BRDT: variants seen among roughly 807,000 people sequenced by gnomAD.
BRDT encodes bromodomain testis-specific protein.
BRDT carries 77 observed loss-of-function variants against 113.9 expected under a neutral mutation model. That is an observed-to-expected ratio of 0.68 (90% confidence interval 0.56 to 0.82). BRDT has a LOEUF of 0.82. Among genes scored for constraint, BRDT ranks in the 40% least tolerant of loss-of-function variants. The pLI is 0.00. For synonymous variants in BRDT, 358 were observed against 366.5 expected (o/e 0.98, Z 0.26); for missense variants, 1,027 against 1,105.4 (o/e 0.93, Z 1.01).
At chr1:91,997,744 T>C (rs1241126277) in intron 15 of BRDT, among the ~76,000 whole-genome samples, 1 of 152,218 alleles carries the variant, frequency 6.6e-6, no homozygotes, top group East Asian at 1.9e-4. Flanking sequence ...GATGCCAGAG[T>C]AGCTGTTCTT....
rs1681232789 is a variant in BRDT, at chr1:91,952,711, C to CAGGCGG, written c.-38+3033_-38+3038dup. On this transcript the variant is annotated intron_variant, in intron 1 of 18. Coordinates refer to ENST00000399546, the MANE Select transcript of BRDT (RefSeq NM_207189.4). ...ATCGTAGCACTTGGGGAGCTTGAGG[C>CAGGCGG]AGGCGGAGGAGTGCTTGAGCCCAGG... 4.4e-5 allele frequency among the ~76,000 whole-genome samples: 6 copies of CAGGCGG among 137,514 alleles called. No individual in the cohort carries two copies. The South Asian group carries it at 1.4e-3, about 33-fold the overall frequency. 90.2% of individuals were successfully genotyped at this position (137,514 alleles called of 152,430 possible).
chr1:91,978,191 T>C lies in BRDT; in HGVS notation c.993T>C (p.Tyr331=). The C allele has an allele frequency of 1.2e-6, 2 of 1,613,472 alleles. No individual in the cohort carries two copies. The highest frequency in any genetic ancestry group is 1.7e-6 in the Non-Finnish European group (2 of 1,179,488). Residue 331 remains tyrosine, a synonymous_variant, in exon 7 of 19, where the codon TAT becomes TAC. Transcript: ENST00000399546. ...TIKEKMDNQE[Y]KDAYKFAADV... is the part of the protein sequence containing the mutation. ...AGGAGAAAATGGATAACCAAGAATATAAGGATGCATACAAATTTGCGGCAG... is the reference window on the plus strand; with the variant it reads ...AGGAGAAAATGGATAACCAAGAATACAAGGATGCATACAAATTTGCGGCAG...
intron 1 of BRDT, among the ~76,000 whole-genome samples, chr1:91,961,644 C>G (rs967334460): frequency 3.4e-5 from 5 of 147,472 alleles, no homozygotes; most frequent in African/African-American, 1.2e-4. Flanking sequence ...GAGAGAGAGA[C>G]ACCATAAATT....
In BRDT at chr1:91,982,572, A is replaced by G. The variant is rs528177822; in HGVS notation, c.2002+817A>G. The stretch of plus-strand genomic sequence containing the variant: ...TTGTGAAATTCAATTCTCTTTTTAA[A>G]GAAACATCTCACACAGAATATTGTG... On this transcript the variant is annotated intron_variant, in intron 12 of 18. Coordinates refer to ENST00000399546, the MANE Select transcript of BRDT (RefSeq NM_207189.4). Among the ~76,000 whole-genome samples, 5 of 152,326 alleles carry G rather than the reference A, an allele frequency of 3.3e-5. No individual in the cohort carries two copies. In the South Asian group the frequency reaches 8.3e-4, roughly 25 times the overall value.
intron 8 of BRDT, among the ~76,000 whole-genome samples, chr1:91,979,981 G>A (rs372827486): frequency 1.3e-5 from 2 of 152,072 alleles, no homozygotes; most frequent in African/African-American, 2.4e-5. Flanking sequence ...CTAATCATGA[G>A]TGGTTGATTC....
At chr1:91,971,742 A>C (rs1236639680) in intron 4 of BRDT, among the ~76,000 whole-genome samples, 2 of 152,170 alleles carry the variant, frequency 1.3e-5, no homozygotes, top group Admixed American at 6.5e-5. Context: ...AGAAGTGAAG[A>C]TTTGAAAGAA....
intron 12 of BRDT, among the ~76,000 whole-genome samples, chr1:91,982,602 C>A (rs1684822078): frequency 6.6e-6 from 1 of 152,158 alleles, no homozygotes; most frequent in Non-Finnish European, 1.5e-5. Flanking sequence ...ATTGTGACAT[C>A]AGGAATTCTT....
chr1:91,992,070 T>C (rs1458736702), intron 13 of BRDT, among the ~76,000 whole-genome samples, 194 bp from the exon 14 acceptor site: 1 of 147,574 alleles, frequency 6.8e-6, no homozygotes, highest in Non-Finnish European at 1.5e-5. Flanking sequence ...CAAGTTGTCA[T>C]CCTCATATAC....
At chr1:91,991,400 T>C (rs1457388536) in intron 13 of BRDT, among the ~76,000 whole-genome samples, 155 bp downstream of exon 13, 1 of 152,218 alleles carries the variant, frequency 6.6e-6, no homozygotes, top group Non-Finnish European at 1.5e-5. Context: ...GATTTCTTCC[T>C]GAAGAAAACC....
At chr1:92,011,745 A>T (rs1447711056) in intron 18 of BRDT, among the ~76,000 whole-genome samples, 1 of 152,236 alleles carries the variant, frequency 6.6e-6, no homozygotes, top group Non-Finnish European at 1.5e-5. Context: ...TAATGATGTT[A>T]CATCTAGCAG....
intron 4 of BRDT, among the ~76,000 whole-genome samples, chr1:91,972,558 G>A (rs1037363257): frequency 6.6e-6 from 1 of 152,146 alleles, no homozygotes; most frequent in African/African-American, 2.4e-5. Flanking sequence ...CACGCAATAG[G>A]CATGCAGTAA....
At chr1:92,001,927 G>A in intron 15 of BRDT, 122 bp from the exon 16 acceptor site, 1 of 609,048 alleles carries the variant, frequency 1.6e-6, no homozygotes, top group Non-Finnish European at 2.9e-6. Context: ...GTTAAATGAT[G>A]CATCAAAAAA....
chr1:91,990,878 A>C (rs1414303051), intron 12 of BRDT, among the ~76,000 whole-genome samples: 1 of 152,030 alleles, frequency 6.6e-6, no homozygotes, highest in Admixed American at 6.6e-5. Context: ...GCTCACTGCA[A>C]CCTCCGCTTC....
chr1:91,972,966 C>T (rs539889801), intron 4 of BRDT, among the ~76,000 whole-genome samples: 4 of 152,050 alleles, frequency 2.6e-5, no homozygotes, highest in Admixed American at 2.0e-4. Flanking sequence ...AAAAATAAAG[C>T]AGAATAAGAG....
chr1:91,973,959 C>T (rs1683871559), intron 4 of BRDT, among the ~76,000 whole-genome samples: 1 of 152,088 alleles, frequency 6.6e-6, no homozygotes, highest in Admixed American at 6.6e-5. Context: ...TGGAACAGAA[C>T]AGAGCCCTCA....
At chr1:91,993,971 T>C in intron 14 of BRDT, 112 bp from the exon 15 acceptor site, 1 of 859,328 alleles carries the variant, frequency 1.2e-6, no homozygotes, top group South Asian at 2.5e-5. Context: ...AATAATAAGG[T>C]ATTTTAAAAA....
chr1:91,962,857 C>T lies in BRDT; in HGVS notation c.103C>T (p.Leu35=), dbSNP rs189969715. The T allele has an allele frequency of 1.2e-6, 2 of 1,612,898 alleles. No homozygotes were observed. Among genetic ancestry groups the T allele is most frequent in the Admixed American group, 1.7e-5 (1 of 59,820 alleles). Residue 35 remains leucine, a synonymous_variant, in exon 2 of 19, where the codon CTA becomes TTA. Coordinates refer to ENST00000399546, the MANE Select transcript of BRDT (RefSeq NM_207189.4). ...NGRLTNQLQY[L]QKVVLKDLWK... ...GCGATTGACAAATCAACTTCAGTAT[C>T]TACAAAAAGTTGTCCTAAAGGATTT... is the stretch of plus-strand genomic sequence containing the variant.
Position 92,004,572 on chromosome 1 carries a change from T to G in BRDT, c.2547T>G (p.His849Gln). Reference protein sequence around the residue: ...KARTQELIRKHLEQNTKELKA... With the variant: ...KARTQELIRKQLEQNTKELKA... ...GGACACAGGAACTCATACGGAAGCA[T>G]TTGGAACAAAATACAAAGGAACTAA... The change falls in exon 17 of 19, where the codon CAT becomes CAG. Residue 849 changes from histidine (H) to glutamine (Q), a missense_variant. By Grantham distance (24) the His-to-Gln change is conservative. Coordinates refer to ENST00000399546, the MANE Select transcript of BRDT (RefSeq NM_207189.4). 6.2e-7 allele frequency: 1 copy of G among 1,612,110 alleles called. No individual in the cohort carries two copies. The highest frequency in any genetic ancestry group is 8.5e-7 in the Non-Finnish European group (1 of 1,179,420).
rs1352138108 is a variant in BRDT, at chr1:91,976,430, G to A, written c.610G>A (p.Ala204Thr). ...TTCAGTCAACTCCAGTTCACAAACT[G>A]CGGCCCAAGTAAGTTTGTTGTAGTT... ...GASVNSSSQT[A>T]AQVTKGVKRK... Residue 204 changes from alanine (A) to threonine (T), a missense_variant, in exon 5 of 19, where the codon GCG (alanine) becomes ACG (threonine). Transcript: ENST00000399546. 1 of 1,551,348 alleles carries A rather than the reference G, an allele frequency of 6.4e-7. No individual in the cohort carries two copies. The highest frequency in any genetic ancestry group is 8.7e-7 in the Non-Finnish European group (1 of 1,154,352).
Sources: allele counts gnomAD v4.1 joint callset (sites outside exome capture counted in the v4.1 genomes callset), GRCh38; gene constraint gnomAD v4.1.1; transcripts MANE v1.5; gene names NCBI Gene and HGNC (gene_info 2026-07-23, HGNC 2026-07-21).